Variants in ZNF783 observed in about 807,000 individuals in gnomAD.
ZNF783 encodes protein ZNF783.
ZNF783 carries 25 observed loss-of-function variants against 31.3 expected under a neutral mutation model. The observed-to-expected ratio is 0.80, with a 90% CI of 0.58 to 1.11. The LOEUF (loss-of-function observed/expected upper bound fraction) is 1.11. Among genes scored for constraint, ZNF783 ranks in the 50% most tolerant of loss-of-function variants. The probability of loss-of-function intolerance (pLI) is 0.00; values close to 1 mark genes in which losing one functional copy is unlikely to be tolerated. For synonymous variants in ZNF783, 369 were observed against 319.1 expected, an observed-to-expected ratio of 1.16 and a Z score of -1.66; for missense variants, 797 against 760.0, an observed-to-expected ratio of 1.05 and a Z score of -0.57.
intron 4 of ZNF783, among the ~76,000 whole-genome samples, chr7:149,274,914 A>G (rs1797292831): frequency 6.6e-6 from 1 of 151,920 alleles, no homozygotes; most frequent in Non-Finnish European, 1.5e-5. Flanking sequence ...CTTTAGGATT[A>G]TTTTTTCTAT....
At chr7:149,265,793 C>T (rs1224412379) in intron 1 of ZNF783, among the ~76,000 whole-genome samples, 1 of 152,202 alleles carries the variant, frequency 6.6e-6, no homozygotes, top group African/African-American at 2.4e-5. Context: ...TTTCTTAATT[C>T]TCTCAGTGCT....
intron 1 of ZNF783, 44 bp from the exon 2 acceptor site, chr7:149,266,291 T>G (rs1797061815): frequency 1.4e-6 from 2 of 1,469,988 alleles, no homozygotes; most frequent in African/African-American, 2.8e-5. Context: ...AAGTTTTGAT[T>G]GTATAATTCT....
Position 149,266,561 on chromosome 7 carries a change from C to T in ZNF783, c.251C>T (p.Thr84Ile), listed in dbSNP as rs61729506. ...AAGAAGCTGGCCGACTGCGAGAAGA[C>T]AGCTGTGGAGTTCGGGAACCAGCTG... ...AEKKLADCEKTAVEFGNQLEG... is the reference protein window; with the variant it reads ...AEKKLADCEKIAVEFGNQLEG... Residue 84 changes from threonine (T) to isoleucine (I), a missense_variant, in exon 2 of 6, where the codon ACA becomes ATA. By Grantham distance (89) the Thr-to-Ile change is moderately conservative (BLOSUM62 -1). Transcript: ENST00000434415. 103,872 of 1,614,112 alleles carry T rather than the reference C, an allele frequency of 0.064. 3,898 individuals carry two copies. The highest frequency in any genetic ancestry group is 0.11 in the African/African-American group (8,509 of 75,020).
Position 149,266,852 on chromosome 7 carries a change from T to G in ZNF783, c.454T>G (p.Phe152Val). ...PVTFDDVAVY[F>V]SELEWGKLED... ...GACCTTCGATGATGTGGCCGTGTAT[T>G]TCTCTGAGCTGGAGTGGGGCAAGCT... is the stretch of plus-strand genomic sequence containing the variant. Residue 152 changes from phenylalanine to valine, a missense_variant, in exon 3 of 6, where the codon TTC (phenylalanine) becomes GTC (valine). Physicochemically the swap from Phe to Val is conservative, Grantham distance 50. Coordinates refer to ENST00000434415, the MANE Select transcript of ZNF783 (RefSeq NM_001195220.2). 6.2e-7 allele frequency: 1 copy of G among 1,614,056 alleles called. No homozygotes were observed. Among genetic ancestry groups the G allele is most frequent in the African/African-American group, 1.3e-5 (1 of 74,996 alleles).
In ZNF783 at chr7:149,276,887, C is replaced by T. The variant is rs188236957; in HGVS notation, c.674-1512C>T. 6.4e-4 allele frequency among the ~76,000 whole-genome samples: 97 copies of T among 151,404 alleles called. No homozygotes were observed. In the East Asian group the frequency reaches 0.016, roughly 25 times the overall value. ...TTTTTGAGATGGAGTCTTGCTCTGTCGCCCAGGCTGGAGTGCAGTGGCGCG... is the reference window on the plus strand; with the variant it reads ...TTTTTGAGATGGAGTCTTGCTCTGTTGCCCAGGCTGGAGTGCAGTGGCGCG... On this transcript the variant is annotated intron_variant, in intron 4 of 5. Transcript: ENST00000434415.
intron 4 of ZNF783, among the ~76,000 whole-genome samples, chr7:149,271,768 A>G (rs904197238): frequency 1.7e-4 from 26 of 152,204 alleles, no homozygotes; most frequent in African/African-American, 5.8e-4. Flanking sequence ...TGTTTCAATA[A>G]CACAGAGATA....
intron 4 of ZNF783, chr7:149,276,732 C>G: frequency 5.0e-6 from 3 of 601,166 alleles, no homozygotes; most frequent in Non-Finnish European, 6.3e-6. Context: ...ATGCAACTGG[C>G]ACAATCATGG....
chr7:149,284,139 C>T lies in ZNF783; in HGVS notation c.*1796C>T, dbSNP rs1337526395. 1 of 152,238 alleles carries T rather than the reference C, an allele frequency of 6.6e-6. No homozygotes were observed. The highest frequency in any genetic ancestry group is 1.5e-5 in the Non-Finnish European group (1 of 68,064). The allele number at this position is 152,238 out of a possible 1,614,324, so 9.4% of individuals were successfully genotyped here. On this transcript the variant is annotated 3_prime_UTR_variant, in exon 6 of 6. Coordinates refer to ENST00000434415, the MANE Select transcript of ZNF783 (RefSeq NM_001195220.2). ...ACCACTGCGGACGCTGTCTGTAGAG[C>T]AGCCTTGGTGTGGGTGACTCTGAAG... is the stretch of plus-strand genomic sequence containing the variant.
intron 5 of ZNF783, among the ~76,000 whole-genome samples, chr7:149,280,071 G>A (rs1190885237): frequency 1.7e-4 from 25 of 148,568 alleles, no homozygotes; most frequent in South Asian, 8.9e-4. Context: ...CTCACCTCCC[G>A]GACGGGGCGG....
At chr7:149,263,799 C>T (rs865816708) in intron 1 of ZNF783, among the ~76,000 whole-genome samples, 4 of 152,202 alleles carry the variant, frequency 2.6e-5, no homozygotes, top group Middle Eastern at 3.4e-3. Context: ...GTTTTGAAAC[C>T]TTGATTTTTC....
intron 4 of ZNF783, among the ~76,000 whole-genome samples, chr7:149,276,029 A>T (rs1797320373): frequency 6.6e-6 from 1 of 152,100 alleles, no homozygotes; most frequent in Non-Finnish European, 1.5e-5. Context: ...AGCTGGAACT[A>T]CAGGCGTATG....
Position 149,281,969 on chromosome 7 carries a change from C to T in ZNF783, c.1267C>T (p.Arg423Cys), listed in dbSNP as rs192335642. ...GGGTCGCCGCTCCGTGGCAGGGGGC[C>T]GTGCCTTGGTGGGGCGGCGGCCTGC... ...PEGRRSVAGG[R>C]ALVGRRPAAS... Residue 423 changes from arginine to cysteine, a missense_variant, in exon 6 of 6, where the codon CGT becomes TGT. Coordinates refer to ENST00000434415, the MANE Select transcript of ZNF783 (RefSeq NM_001195220.2). 6.6e-4 allele frequency: 1,036 copies of T among 1,571,754 alleles called. 13 individuals carry two copies. The East Asian group carries it at 0.016, about 25-fold the overall frequency.
At chr7:149,272,411 C>G in intron 4 of ZNF783, among the ~76,000 whole-genome samples, 1 of 152,162 alleles carries the variant, frequency 6.6e-6, no homozygotes, top group South Asian at 2.1e-4. Flanking sequence ...AATTCCCCTC[C>G]ATAGGGCTCG....
At chr7:149,277,569 C>G (rs557477270) in intron 4 of ZNF783, among the ~76,000 whole-genome samples, 2 of 151,960 alleles carry the variant, frequency 1.3e-5, no homozygotes, top group Non-Finnish European at 2.9e-5. Flanking sequence ...GGAACCCCGT[C>G]TCTACTTAAA....
At chr7:149,280,927 GA>G (rs1797453063) in intron 5 of ZNF783, among the ~76,000 whole-genome samples, 1 of 152,222 alleles carries the variant, frequency 6.6e-6, no homozygotes, top group African/African-American at 2.4e-5. Context: ...ACCCAGGCAG[GA>G]ATCTCAGGTC....
Position 149,266,935 on chromosome 7 carries a change from G to C in ZNF783, c.537G>C (p.Leu179=), listed in dbSNP as rs944099743. The change falls in exon 3 of 6, where the codon CTG becomes CTC. Residue 179 remains leucine, a synonymous_variant. Transcript: ENST00000434415. The part of the protein sequence containing the change: ...KHVMRGNYET[L]VSLDYAISKP... ...TGATGAGGGGCAACTACGAGACGCT[G>C]GTCTCCCTGGGTAAGGCCACGGAGG... 5.0e-6 allele frequency: 8 copies of C among 1,613,994 alleles called. No individual in the cohort carries two copies. The African/African-American group carries it at 8.0e-5, about 16-fold the overall frequency.
rs1323737921 is a variant in ZNF783 at position 149,284,179 on chromosome 7, C to T, written c.*1836C>T. ...TGACTCTGAAGCTGGAGTGATGGGA[C>T]CCCAGCTATCCTTGTTTTTTACCGC... On this transcript the variant is annotated 3_prime_UTR_variant, in exon 6 of 6. Coordinates refer to ENST00000434415, the MANE Select transcript of ZNF783 (RefSeq NM_001195220.2). The T allele has an allele frequency of 6.6e-6, 1 of 152,232 alleles. No individual in the cohort carries two copies. Among genetic ancestry groups the T allele is most frequent in the African/African-American group, 2.4e-5 (1 of 41,438 alleles). 9.4% of individuals were successfully genotyped at this position (152,232 alleles called of 1,614,324 possible).
At chr7:149,271,713 T>C (rs894095102) in intron 4 of ZNF783, among the ~76,000 whole-genome samples, 3 of 152,244 alleles carry the variant, frequency 2.0e-5, no homozygotes, top group Non-Finnish European at 4.4e-5. Flanking sequence ...TTGTGGCCTC[T>C]CACTATAGAT....
intron 1 of ZNF783, among the ~76,000 whole-genome samples, chr7:149,265,234 A>G (rs1273345085): frequency 1.3e-5 from 2 of 152,210 alleles, no homozygotes; most frequent in African/African-American, 2.4e-5. Context: ...AGCACCAACC[A>G]GGACTGTGCC....
Sources: allele counts gnomAD v4.1 joint callset (sites outside exome capture counted in the v4.1 genomes callset), GRCh38; gene constraint gnomAD v4.1.1; transcripts MANE v1.5; gene names NCBI Gene and HGNC (gene_info 2026-07-23, HGNC 2026-07-21).